Variants in PLEKHD1 observed in about 807,000 individuals in gnomAD.
PLEKHD1 encodes the protein pleckstrin homology and coiled-coil domain containing D1, also known as pleckstrin homology domain-containing family D member 1.
A neutral mutation model predicts 69.2 loss-of-function variants in PLEKHD1; 51 were observed. That is an observed-to-expected ratio of 0.74 (90% CI 0.59 to 0.93). PLEKHD1 has a LOEUF of 0.93. PLEKHD1 is among the 40% of genes least tolerant of loss of function. PLEKHD1 has a pLI of 0.00. For missense variants in PLEKHD1, 584 were observed against 641.0 expected, an observed-to-expected ratio of 0.91 and a Z score of 0.96; for synonymous variants, 236 against 244.7, an observed-to-expected ratio of 0.96 and a Z score of 0.33.
intron 7 of PLEKHD1, among the ~76,000 whole-genome samples, chr14:69,523,852 AG>A (rs1223335679): frequency 6.6e-5 from 10 of 152,204 alleles, no homozygotes; most frequent in Admixed American, 5.9e-4. Context: ...ACTAACCCAA[AG>A]AGGGGCCTTA....
Position 69,528,593 on chromosome 14 carries a change from T to A in PLEKHD1, c.*174T>A. On this transcript the variant is annotated 3_prime_UTR_variant, in exon 13 of 13. Transcript: ENST00000322564. ...CCTTGCCCTCAAAGGACATGGACGC[T>A]GCCTTCCTCATCCTCACCCCACACC... 3 of 882,738 alleles carry A rather than the reference T, an allele frequency of 3.4e-6. No homozygotes were observed. Among genetic ancestry groups the A allele is most frequent in the African/African-American group, 1.7e-5 (1 of 59,078 alleles). 54.7% of individuals were successfully genotyped at this position (882,738 alleles called of 1,614,324 possible).
chr14:69,516,009 T>C (rs2139521787), intron 6 of PLEKHD1, among the ~76,000 whole-genome samples: 1 of 152,376 alleles, frequency 6.6e-6, no homozygotes, highest in South Asian at 2.1e-4. Flanking sequence ...TGTTTGGTTT[T>C]TAAATTTATT....
At chr14:69,524,361 G>C (rs772439619) in intron 8 of PLEKHD1, 39 bp downstream of exon 8, 12 of 1,511,566 alleles carry the variant, frequency 7.9e-6, no homozygotes, top group Middle Eastern at 1.7e-4. Flanking sequence ...CAGGTGGCAG[G>C]CTGGTTGGTT....
In PLEKHD1 at chr14:69,498,106, A is replaced by ATTTT. The variant is rs1491301174; in HGVS notation, c.150-2009_150-2008insTTTT. Among the ~76,000 whole-genome samples, 845 of 141,174 alleles carry ATTTT rather than the reference A, an allele frequency of 6.0e-3. 2 individuals carry two copies. The highest frequency in any genetic ancestry group is 0.018 in the Middle Eastern group (5 of 274). The allele number at this position is 141,174 out of a possible 152,430, so 92.6% of individuals were successfully genotyped here. On this transcript the variant is annotated intron_variant, in intron 1 of 12. Coordinates refer to ENST00000322564, the MANE Select transcript of PLEKHD1 (RefSeq NM_001161498.2). ...ATTTTATTTTATTTTATTTTATTTT[A>ATTTT]GAGAGTCTTGCTCTGTCACTCAGGT...
At chr14:69,485,145 G>A (rs756223355) in intron 1 of PLEKHD1, 31 bp downstream of exon 1, 6 of 1,538,628 alleles carry the variant, frequency 3.9e-6, no homozygotes, top group Non-Finnish European at 5.3e-6. Flanking sequence ...CAAGGAGACC[G>A]CCGGGGAGAG....
upstream of PLEKHD1, among the ~76,000 whole-genome samples, chr14:69,483,283 A>C (rs2139486173): frequency 6.6e-6 from 1 of 152,022 alleles, no homozygotes; most frequent in Non-Finnish European, 1.5e-5. Flanking sequence ...CTAGAGTCAT[A>C]AAATGGGGAG....
chr14:69,470,451 C>CAAAAA, the PLEKHD1 span, among the ~76,000 whole-genome samples: 4 of 120,740 alleles, frequency 3.3e-5, no homozygotes, highest in African/African-American at 1.2e-4. Context: ...TGACAGAGAT[C>CAAAAA]AAAAAAAAAA....
Position 69,522,135 on chromosome 14 carries a change from G to C in PLEKHD1, c.556-148G>C. 4 of 677,336 alleles carry C rather than the reference G, an allele frequency of 5.9e-6. No individual in the cohort carries two copies. The African/African-American group carries it at 7.3e-5, about 12-fold the overall frequency. The allele number at this position is 677,336 out of a possible 1,614,324, so 42.0% of individuals were successfully genotyped here. A position where few individuals can be genotyped will look rare whatever the true frequency, so the allele number is the denominator to read the frequency against. ...CTACATATCAATGAGTGGGGCCAGC[G>C]GGCCTTAGAACTTAATTCCCGGTCT... is the stretch of plus-strand genomic sequence containing the variant. On this transcript the variant is annotated intron_variant, in intron 6 of 12. Transcript: ENST00000322564.
chr14:69,486,223 T>G (rs1273952063), intron 1 of PLEKHD1, among the ~76,000 whole-genome samples: 4 of 152,200 alleles, frequency 2.6e-5, no homozygotes, highest in Non-Finnish European at 5.9e-5. Context: ...GGACCACAGA[T>G]CATGTGGATG....
intron 6 of PLEKHD1, among the ~76,000 whole-genome samples, chr14:69,521,070 G>A (rs1017864745): frequency 2.0e-5 from 3 of 152,176 alleles, no homozygotes; most frequent in Admixed American, 6.5e-5. Context: ...AGTTCAAGGC[G>A]GCAATGAGCT....
intron 6 of PLEKHD1, among the ~76,000 whole-genome samples, chr14:69,510,083 A>G (rs2139515253): frequency 6.6e-6 from 1 of 152,306 alleles, no homozygotes; most frequent in South Asian, 2.1e-4. Flanking sequence ...CATCAATACC[A>G]CAATGTCTTG....
chr14:69,473,594 A>G, the PLEKHD1 span, among the ~76,000 whole-genome samples: 1 of 152,244 alleles, frequency 6.6e-6, no homozygotes, highest in African/African-American at 2.4e-5. Context: ...GGATCCTATT[A>G]CTGGCTCAGC....
chr14:69,494,802 C>A (rs1882851693), intron 1 of PLEKHD1, among the ~76,000 whole-genome samples: 1 of 152,200 alleles, frequency 6.6e-6, no homozygotes, highest in African/African-American at 2.4e-5. Context: ...GTGTTCTGAG[C>A]CCCTGCCTGT....
At chr14:69,495,507 G>A (rs1566555972) in intron 1 of PLEKHD1, among the ~76,000 whole-genome samples, 1 of 152,194 alleles carries the variant, frequency 6.6e-6, no homozygotes, top group Non-Finnish European at 1.5e-5. Flanking sequence ...AAAATGCAGG[G>A]AGCATTTCTC....
chr14:69,469,409 CTT>C, the PLEKHD1 span, among the ~76,000 whole-genome samples: 1 of 146,034 alleles, frequency 6.8e-6, no homozygotes. Context: ...AGTTGTTTCT[CTT>C]TTTTTTTTTT....
chr14:69,524,421 T>C, intron 8 of PLEKHD1, 99 bp downstream of exon 8: 1 of 1,052,998 alleles, frequency 9.5e-7, no homozygotes, highest in African/African-American at 1.6e-5. Context: ...GGGGGTGATC[T>C]GTAAGAGAAA....
chr14:69,507,608 C>T (rs1488354334), intron 6 of PLEKHD1, among the ~76,000 whole-genome samples: 6 of 152,212 alleles, frequency 3.9e-5, no homozygotes. Context: ...AGTAGCTGTA[C>T]CATTTTGTAT....
intron 6 of PLEKHD1, among the ~76,000 whole-genome samples, chr14:69,519,889 C>A (rs935402586): frequency 6.6e-6 from 1 of 152,056 alleles, no homozygotes; most frequent in Non-Finnish European, 1.5e-5. Context: ...TGGCCGCGCA[C>A]GGTGGCTCAC....
chr14:69,487,560 C>A (rs1204270844), intron 1 of PLEKHD1, among the ~76,000 whole-genome samples: 1 of 152,186 alleles, frequency 6.6e-6, no homozygotes, highest in South Asian at 2.1e-4. Context: ...TCTATAAAAC[C>A]TTTTCCACTC....
Sources: allele counts gnomAD v4.1 joint callset (sites outside exome capture counted in the v4.1 genomes callset), GRCh38; gene constraint gnomAD v4.1.1; transcripts MANE v1.5; gene names NCBI Gene and HGNC (gene_info 2026-07-23, HGNC 2026-07-21).